Variants in DACH1 observed in about 807,000 individuals in gnomAD.
DACH1 encodes dachshund family transcription factor 1.
In DACH1, 12 loss-of-function variants were observed where a neutral mutation model predicts 54.2. That is an observed-to-expected ratio of 0.22 (90% CI 0.14 to 0.36). The LOEUF (loss-of-function observed/expected upper bound fraction) is 0.36. DACH1 is among the 10% of genes least tolerant of loss of function. DACH1 has a pLI of 1.00. For synonymous variants in DACH1, 386 were observed against 366.2 expected (o/e 1.05, Z -0.62); for missense variants, 805 against 929.8 (o/e 0.87, Z 1.75).
intron 3 of DACH1, among the ~76,000 whole-genome samples, chr13:71,593,008 G>A (rs954727288): frequency 2.0e-5 from 3 of 152,026 alleles, no homozygotes; most frequent in Admixed American, 6.6e-5. Flanking sequence ...CTCAGAGTAC[G>A]GATTTTGACA....
chr13:71,536,099 TTATTC>T (rs1284526040), intron 6 of DACH1, among the ~76,000 whole-genome samples: 1 of 152,088 alleles, frequency 6.6e-6, no homozygotes, highest in Non-Finnish European at 1.5e-5. Flanking sequence ...CTCCTAAACT[TTATTC>T]TAGTCAAAAA....
intron 10 of DACH1, among the ~76,000 whole-genome samples, chr13:71,474,091 T>C (rs754378524): frequency 6.6e-6 from 1 of 152,112 alleles, no homozygotes; most frequent in Non-Finnish European, 1.5e-5. Context: ...CATAATAACA[T>C]ATGATTCAAA....
chr13:71,694,832 C>T (rs966556473), intron 1 of DACH1, among the ~76,000 whole-genome samples: 28 of 152,194 alleles, frequency 1.8e-4, no homozygotes, highest in African/African-American at 6.5e-4. Context: ...AGCATAATAG[C>T]TCACATTTAG....
At chr13:71,488,788 T>C (rs1000564996) in intron 7 of DACH1, among the ~76,000 whole-genome samples, 2 of 151,166 alleles carry the variant, frequency 1.3e-5, no homozygotes, top group African/African-American at 2.4e-5. Context: ...TGGCTTAATA[T>C]ACATATATAT....
rs1448096175 is a variant in DACH1, at chr13:71,675,247, C to A, written c.964+6548G>T. 18 of 1,549,952 alleles carry A rather than the reference C, an allele frequency of 1.2e-5. No individual in the cohort carries two copies. The Admixed American group carries it at 2.9e-4, about 25-fold the overall frequency. On this transcript the variant is annotated intron_variant, in intron 2 of 10. Transcript: ENST00000613252. ...ACGTTATCAGAAGTCCACTGAACTT[C>A]TGATTCGCAGACTTCCCTTCCAGAG... is the stretch of plus-strand genomic sequence containing the variant.
At chr13:71,832,833 C>G (rs1410306138) in intron 1 of DACH1, among the ~76,000 whole-genome samples, 1 of 151,736 alleles carries the variant, frequency 6.6e-6, no homozygotes, top group Non-Finnish European at 1.5e-5. Flanking sequence ...GTTAAATGAC[C>G]AAGCCAACAT....
chr13:71,613,270 G>A (rs1593985989), intron 3 of DACH1, among the ~76,000 whole-genome samples: 1 of 152,222 alleles, frequency 6.6e-6, no homozygotes, highest in East Asian at 1.9e-4. Flanking sequence ...AGAAACTGGA[G>A]AAATGCCAGT....
At chr13:71,754,115 A>C (rs115347960) in intron 1 of DACH1, among the ~76,000 whole-genome samples, 3 of 151,810 alleles carry the variant, frequency 2.0e-5, no homozygotes, top group African/African-American at 7.3e-5. Context: ...TCTTTTTTTC[A>C]TATCCTGTTT....
At chr13:71,699,686 A>G (rs967996431) in intron 1 of DACH1, among the ~76,000 whole-genome samples, 1 of 152,242 alleles carries the variant, frequency 6.6e-6, no homozygotes, top group Non-Finnish European at 1.5e-5. Context: ...ATCAATCCAA[A>G]TAATTTCTCT....
intron 1 of DACH1, among the ~76,000 whole-genome samples, chr13:71,723,480 T>C (rs1301570934): frequency 1.3e-5 from 2 of 152,126 alleles, no homozygotes; most frequent in Admixed American, 6.5e-5. Context: ...TGGCATTATG[T>C]TTTAAGATAT....
intron 4 of DACH1, among the ~76,000 whole-genome samples, chr13:71,563,139 A>G (rs1215431565): frequency 6.6e-6 from 1 of 152,112 alleles, no homozygotes; most frequent in African/African-American, 2.4e-5. Flanking sequence ...ACACAGAAAT[A>G]CATGGTGTGT....
intron 1 of DACH1, among the ~76,000 whole-genome samples, chr13:71,775,983 T>C (rs1886045614): frequency 6.6e-6 from 1 of 152,144 alleles, no homozygotes; most frequent in African/African-American, 2.4e-5. Context: ...GAATTAAAAA[T>C]GAATTTAAGG....
At chr13:71,843,958 T>C (rs1248950447) in intron 1 of DACH1, among the ~76,000 whole-genome samples, 1 of 152,116 alleles carries the variant, frequency 6.6e-6, no homozygotes, top group Non-Finnish European at 1.5e-5. Flanking sequence ...CCTAGGGAAG[T>C]CATAAATGCG....
At chr13:71,620,673 GTTTTGAACTTCAGCTATCA>G (rs1289594819) in intron 3 of DACH1, among the ~76,000 whole-genome samples, 6 of 151,864 alleles carry the variant, frequency 4.0e-5, no homozygotes, top group Non-Finnish European at 1.5e-5. Flanking sequence ...TCAGTGTGAT[GTTTTGAACTTCAGCTATCA>G]TTTTAAGTTA....
intron 1 of DACH1, among the ~76,000 whole-genome samples, chr13:71,772,905 C>T (rs186259113): frequency 1.7e-3 from 253 of 151,842 alleles, no homozygotes; most frequent in Non-Finnish European, 2.9e-3. Context: ...TACTCATGAA[C>T]TGCCAAGTGT....
chr13:71,543,290 A>C (rs1883252599), intron 6 of DACH1, among the ~76,000 whole-genome samples: 1 of 152,120 alleles, frequency 6.6e-6, no homozygotes, highest in African/African-American at 2.4e-5. Context: ...ATCAGCACAC[A>C]TCCCACATTG....
intron 2 of DACH1, among the ~76,000 whole-genome samples, chr13:71,649,937 A>G (rs1455692806): frequency 6.6e-6 from 1 of 152,172 alleles, no homozygotes; most frequent in South Asian, 2.1e-4. Context: ...AAATTCTTTA[A>G]TCTCAGACTC....
At chr13:71,737,200 G>A (rs1884171590) in intron 1 of DACH1, among the ~76,000 whole-genome samples, 1 of 152,064 alleles carries the variant, frequency 6.6e-6, no homozygotes, top group African/African-American at 2.4e-5. Flanking sequence ...TCCAACCTGG[G>A]CGACAGAACA....
At chr13:71,487,297 G>A (rs7998936) in intron 7 of DACH1, among the ~76,000 whole-genome samples, 3,461 of 152,172 alleles carry the variant, frequency 0.023, 87 homozygotes, top group African/African-American at 0.061. Context: ...ATGTCTTGAA[G>A]GCATATGGTA....
Sources: gnomAD v4.1 joint callset for allele counts (sites outside exome capture counted in the v4.1 genomes callset) on GRCh38, gnomAD v4.1.1 for gene constraint, MANE v1.5 for transcripts, NCBI Gene and HGNC (gene_info 2026-07-23, HGNC 2026-07-21) for gene names.